Variants in PARD3B observed in about 807,000 individuals in gnomAD.
PARD3B encodes partitioning defective 3 homolog B.
A neutral mutation model predicts 130.2 loss-of-function variants in PARD3B; 103 were observed. That is an observed-to-expected ratio of 0.79 (90% CI 0.67 to 0.93). The LOEUF (loss-of-function observed/expected upper bound fraction) is 0.93, where lower values mean the gene tolerates loss of function less well. Ranked by LOEUF, PARD3B falls within the 40% of genes least tolerant of loss-of-function variation. PARD3B has a pLI of 0.00. For synonymous variants in PARD3B, 583 were observed against 553.2 expected, an observed-to-expected ratio of 1.05 and a Z score of -0.76; for missense variants, 1,609 against 1,499.2, an observed-to-expected ratio of 1.07 and a Z score of -1.21.
chr2:205,032,137 C>G (rs1697471559), intron 3 of PARD3B, among the ~76,000 whole-genome samples: 1 of 152,076 alleles, frequency 6.6e-6, no homozygotes, highest in South Asian at 2.1e-4. Context: ...GATTTTGATT[C>G]ACATTGAATT....
At chr2:204,578,903 A>T (rs1358545823) in intron 1 of PARD3B, among the ~76,000 whole-genome samples, 1 of 152,036 alleles carries the variant, frequency 6.6e-6, no homozygotes, top group Non-Finnish European at 1.5e-5. Flanking sequence ...GGAAAATATC[A>T]CAGTCAAGCT....
Position 205,301,985 on chromosome 2 carries a change from G to A in PARD3B, c.2630+284G>A. 1 of 680,502 alleles carries A rather than the reference G, an allele frequency of 1.5e-6. No homozygotes were observed. The highest frequency in any genetic ancestry group is 2.7e-6 in the Non-Finnish European group (1 of 373,100). The allele number at this position is 680,502 out of a possible 1,614,324, so 42.2% of individuals were successfully genotyped here. A position where few individuals can be genotyped will look rare whatever the true frequency, so the allele number is the denominator to read the frequency against. On this transcript the variant is annotated intron_variant, in intron 18 of 22. Coordinates refer to ENST00000406610, the MANE Select transcript of PARD3B (RefSeq NM_001302769.2). This position sits in a 1 kb window ranked among gnomAD's most constrained non-coding sequence, Gnocchi z 5.2. ...GTAATCTCAGTACTTTGGGAGGCTG[G>A]GAGGATTGCTTGAGCCCAAGAGTTC... is the stretch of plus-strand genomic sequence containing the variant.
chr2:205,064,821 A>G (rs1700264084), intron 4 of PARD3B, among the ~76,000 whole-genome samples: 1 of 152,210 alleles, frequency 6.6e-6, no homozygotes, highest in Non-Finnish European at 1.5e-5. Flanking sequence ...AATTCACAGC[A>G]ACAAAGATGT....
chr2:204,897,965 A>G (rs988702528), intron 2 of PARD3B, among the ~76,000 whole-genome samples: 1 of 152,034 alleles, frequency 6.6e-6, no homozygotes, highest in African/African-American at 2.4e-5. Context: ...CTAAATGAAA[A>G]ACTTCAATGA....
chr2:204,579,513 T>C (rs749406599), intron 1 of PARD3B, among the ~76,000 whole-genome samples: 3 of 152,166 alleles, frequency 2.0e-5, no homozygotes, highest in Non-Finnish European at 4.4e-5. Context: ...CTAAGGAAAC[T>C]GGCTCTGTTC....
At chr2:204,591,330 A>C (rs2033065143) in intron 1 of PARD3B, among the ~76,000 whole-genome samples, 1 of 152,220 alleles carries the variant, frequency 6.6e-6, no homozygotes, top group African/African-American at 2.4e-5. Context: ...ATTTGAAATG[A>C]GCATCTTACT....
intron 2 of PARD3B, among the ~76,000 whole-genome samples, chr2:204,911,224 C>G (rs1185978454): frequency 1.3e-5 from 2 of 152,138 alleles, no homozygotes; most frequent in Non-Finnish European, 2.9e-5. Flanking sequence ...ACAGCTGTTT[C>G]CAGTTGTGCT....
intron 16 of PARD3B, 30 bp downstream of exon 16, chr2:205,245,852 C>T (rs1350881741): frequency 1.9e-6 from 3 of 1,542,758 alleles, no homozygotes; most frequent in Non-Finnish European, 2.7e-6. Flanking sequence ...TGACTATATT[C>T]CTCTTCCTGG....
At chr2:204,895,170 G>A (rs541873885) in intron 2 of PARD3B, among the ~76,000 whole-genome samples, 371 of 152,144 alleles carry the variant, frequency 2.4e-3, no homozygotes, top group African/African-American at 8.2e-3. Context: ...AACCTACTTA[G>A]AGACAAAAAC....
At position 205,615,914 on chromosome 2, in the gene PARD3B, T is replaced by G; in HGVS notation, c.*101T>G. The G allele has an allele frequency of 1.0e-6, 1 of 1,004,574 alleles. No homozygotes were observed. 62.2% of individuals were successfully genotyped at this position (1,004,574 alleles called of 1,614,324 possible). ...CCTCCTTGGTGTTAGGAATTCTCCA[T>G]GTTACTGATAAGCTTTTTCTCACTG... On this transcript the variant is annotated 3_prime_UTR_variant, in exon 23 of 23. Coordinates refer to ENST00000406610, the MANE Select transcript of PARD3B (RefSeq NM_001302769.2).
chr2:204,563,293 C>A (rs1364472593), intron 1 of PARD3B, among the ~76,000 whole-genome samples: 1 of 141,234 alleles, frequency 7.1e-6, no homozygotes, highest in Admixed American at 7.6e-5. Flanking sequence ...TATAAGGACA[C>A]CAGTCATACT....
At chr2:205,173,008 A>G (rs932167301) in intron 12 of PARD3B, among the ~76,000 whole-genome samples, 10 of 152,122 alleles carry the variant, frequency 6.6e-5, no homozygotes, top group African/African-American at 2.2e-4. Context: ...ACATAAAAAT[A>G]CCTAAAACAT....
At chr2:204,872,316 TTA>T (rs2045661421) in intron 2 of PARD3B, among the ~76,000 whole-genome samples, 1 of 151,982 alleles carries the variant, frequency 6.6e-6, no homozygotes, top group Admixed American at 6.6e-5. Context: ...ATGCATATAA[TTA>T]TATAAAAATG....
intron 20 of PARD3B, among the ~76,000 whole-genome samples, chr2:205,452,239 A>G (rs1212939760): frequency 1.3e-5 from 2 of 152,186 alleles, no homozygotes; most frequent in Non-Finnish European, 2.9e-5. Context: ...ATTGTCATGT[A>G]CAGCTCATAC....
At chr2:204,776,829 G>A (rs1390839546) in intron 2 of PARD3B, among the ~76,000 whole-genome samples, 1 of 151,804 alleles carries the variant, frequency 6.6e-6, no homozygotes, top group Non-Finnish European at 1.5e-5. Context: ...CTAAGCCCAG[G>A]AGAGGAGGGT....
In PARD3B at chr2:205,550,931, G is replaced by GTGTGTATATATATA. The variant is rs1228592128; in HGVS notation, c.3181-2388_3181-2387insATATATATATGTGT. ...TATAAATACATATAATTATGTGTGT[G>GTGTGTATATATATA]TGTGTGTGTGTATATATATATGTGT... On this transcript the variant is annotated intron_variant, in intron 21 of 22. Coordinates refer to ENST00000406610, the MANE Select transcript of PARD3B (RefSeq NM_001302769.2). The surrounding 1 kb of genome is among the most constrained non-coding windows in gnomAD (Gnocchi z 4.5). 5.4e-5 allele frequency among the ~76,000 whole-genome samples: 5 copies of GTGTGTATATATATA among 93,038 alleles called. No individual in the cohort carries two copies. The highest frequency in any genetic ancestry group is 1.1e-4 in the African/African-American group (3 of 26,252). 61.0% of individuals were successfully genotyped at this position (93,038 alleles called of 152,430 possible). A position where few individuals can be genotyped will look rare whatever the true frequency, so the allele number is the denominator to read the frequency against.
At chr2:205,481,473 GCCATGCTGCTATGAA>G (rs2049233688) in intron 20 of PARD3B, among the ~76,000 whole-genome samples, 1 of 152,174 alleles carries the variant, frequency 6.6e-6, no homozygotes, top group Non-Finnish European at 1.5e-5. Context: ...GAGACTAGCT[GCCATGCTGCTATGAA>G]CCGGGCTCGT....
chr2:204,996,846 AG>A (rs1694244478), intron 3 of PARD3B, among the ~76,000 whole-genome samples: 1 of 147,246 alleles, frequency 6.8e-6, no homozygotes, highest in South Asian at 2.3e-4. Flanking sequence ...CCGATTTTCC[AG>A]GTGCGTCCGT....
chr2:205,028,703 A>G (rs1465716683), intron 3 of PARD3B, among the ~76,000 whole-genome samples: 7 of 152,146 alleles, frequency 4.6e-5, no homozygotes, highest in African/African-American at 1.7e-4. Flanking sequence ...GAAAAACAAA[A>G]GACATCCGAA....
Sources: allele counts gnomAD v4.1 joint callset (sites outside exome capture counted in the v4.1 genomes callset), GRCh38; gene constraint gnomAD v4.1.1; non-coding constraint Gnocchi (gnomAD v3.1); transcripts MANE v1.5; gene names NCBI Gene and HGNC (gene_info 2026-07-23, HGNC 2026-07-21).